The following XIRP2 variants were observed in gnomAD, a reference collection of about 807,000 sequenced individuals.
The protein encoded by XIRP2 is xin actin binding repeat containing 2, also known as xin actin-binding repeat-containing protein 2.
A neutral mutation model predicts 277.0 loss-of-function variants in XIRP2; 236 were observed. The ratio of observed to expected loss-of-function variants is 0.85; its 90% CI spans 0.77 to 0.95. XIRP2 has a LOEUF of 0.95. Ranked by LOEUF, XIRP2 falls within the 40% of genes least tolerant of loss-of-function variation. XIRP2 has a pLI of 0.00. For missense variants in XIRP2, 4,640 were observed against 4,157.5 expected, an observed-to-expected ratio of 1.12 and a Z score of -3.19; for synonymous variants, 1,490 against 1,416.5, an observed-to-expected ratio of 1.05 and a Z score of -1.17.
intron 2 of XIRP2, among the ~76,000 whole-genome samples, chr2:167,009,634 C>T (rs1161367685): frequency 3.9e-5 from 6 of 152,012 alleles, no homozygotes; most frequent in Non-Finnish European, 5.9e-5. Context: ...CCTGAGGAAT[C>T]GCCACACTGA....
chr2:167,072,030 A>G (rs1689449850), intron 2 of XIRP2, among the ~76,000 whole-genome samples: 1 of 152,204 alleles, frequency 6.6e-6, no homozygotes, highest in African/African-American at 2.4e-5. Context: ...TATGCCAAAC[A>G]TAAAGCACAG....
At chr2:166,897,979 A>G (rs115533347) in intron 1 of XIRP2, among the ~76,000 whole-genome samples, 3 of 151,774 alleles carry the variant, frequency 2.0e-5, no homozygotes, top group East Asian at 3.9e-4. Flanking sequence ...AGAATCAACA[A>G]CTGCTCCCTA....
At chr2:167,233,769 C>T (rs941783206) in intron 5 of XIRP2, among the ~76,000 whole-genome samples, 1 of 151,320 alleles carries the variant, frequency 6.6e-6, no homozygotes, top group African/African-American at 2.4e-5. Context: ...TAAGTTTCAG[C>T]CTTTTGTTGG....
chr2:166,916,816 A>G (rs899698327), intron 2 of XIRP2, among the ~76,000 whole-genome samples: 1 of 152,208 alleles, frequency 6.6e-6, no homozygotes, highest in Non-Finnish European at 1.5e-5. Flanking sequence ...TTCTCATTGT[A>G]TAAACTCAAA....
intron 2 of XIRP2, among the ~76,000 whole-genome samples, chr2:166,904,791 T>G (rs966473791): frequency 3.3e-5 from 5 of 152,260 alleles, no homozygotes; most frequent in Admixed American, 2.0e-4. Context: ...ATTGTTTTTT[T>G]GTTTTATTTG....
chr2:167,087,171 C>CT (rs2105270179), intron 2 of XIRP2, among the ~76,000 whole-genome samples: 1 of 152,260 alleles, frequency 6.6e-6, no homozygotes, highest in East Asian at 1.9e-4. Context: ...AGACAGGACC[C>CT]TCAGCTGCAG....
At chr2:167,219,750 A>AATTT (rs1694366787) in intron 5 of XIRP2, among the ~76,000 whole-genome samples, 1 of 152,214 alleles carries the variant, frequency 6.6e-6, no homozygotes, top group African/African-American at 2.4e-5. Flanking sequence ...CCAAATTCAT[A>AATTT]ACCCCCTCAG....
chr2:167,169,675 T>C (rs1692627803), intron 3 of XIRP2, among the ~76,000 whole-genome samples: 1 of 152,164 alleles, frequency 6.6e-6, no homozygotes, highest in Non-Finnish European at 1.5e-5. Flanking sequence ...TTAAATGCTT[T>C]TAAGTGGTAA....
chr2:167,099,168 C>A (rs1034900136), intron 2 of XIRP2, among the ~76,000 whole-genome samples: 1 of 152,202 alleles, frequency 6.6e-6, no homozygotes, highest in Non-Finnish European at 1.5e-5. Flanking sequence ...AAGCTCCTGA[C>A]TGGGGCTGCT....
intron 2 of XIRP2, among the ~76,000 whole-genome samples, chr2:166,919,989 C>G (rs932516767): frequency 6.6e-6 from 1 of 152,054 alleles, no homozygotes; most frequent in Non-Finnish European, 1.5e-5. Context: ...TCAGGTCTGC[C>G]CTTTAGTTTA....
intron 2 of XIRP2, among the ~76,000 whole-genome samples, chr2:166,905,903 C>G (rs753302174): frequency 2.6e-5 from 4 of 151,918 alleles, no homozygotes; most frequent in Non-Finnish European, 5.9e-5. Context: ...CACCCCATAG[C>G]ATATTGATTA....
chr2:166,893,889 G>A (rs909151774), intron 1 of XIRP2, among the ~76,000 whole-genome samples: 2 of 152,090 alleles, frequency 1.3e-5, no homozygotes, highest in Admixed American at 6.6e-5. Context: ...CAAGAAACAA[G>A]AGTTATGACT....
chr2:166,954,378 A>G (rs1383759556), intron 2 of XIRP2, among the ~76,000 whole-genome samples: 4 of 151,998 alleles, frequency 2.6e-5, no homozygotes, highest in Non-Finnish European at 5.9e-5. Flanking sequence ...ATACCATCTC[A>G]CGCCAGTCAG....
At chr2:166,897,175 G>A (rs116690545) in intron 1 of XIRP2, among the ~76,000 whole-genome samples, 53 of 152,306 alleles carry the variant, frequency 3.5e-4, no homozygotes, top group African/African-American at 1.1e-3. Context: ...TAATAAGGGT[G>A]TGCATGTTGT....
chr2:167,029,840 A>G (rs1326101619), intron 2 of XIRP2, among the ~76,000 whole-genome samples: 4 of 151,882 alleles, frequency 2.6e-5, no homozygotes, highest in African/African-American at 9.7e-5. Context: ...GGTCCTGGGC[A>G]TTTTTTGGTT....
Position 167,246,446 on chromosome 2 carries a change from G to A in XIRP2, c.5054G>A (p.Gly1685Glu). The change falls in exon 9 of 11, where the codon GGA becomes GAA. Residue 1685 changes from glycine to glutamate, a missense_variant. By Grantham distance (98) the Gly-to-Glu change is moderately conservative. Transcript: ENST00000409195. ...KGILIQEDEK[G>E]DINMTIYCLL... ...ATCTTAATTCAGGAAGATGAAAAAGGAGATATTAACATGACTATCTATTGT... is the reference window on the plus strand; with the variant it reads ...ATCTTAATTCAGGAAGATGAAAAAGAAGATATTAACATGACTATCTATTGT... 1 of 1,613,714 alleles carries A rather than the reference G, an allele frequency of 6.2e-7. No individual in the cohort carries two copies. Among genetic ancestry groups the A allele is most frequent in the African/African-American group, 1.3e-5 (1 of 75,004 alleles).
intron 2 of XIRP2, among the ~76,000 whole-genome samples, chr2:167,048,927 C>T (rs778986124): frequency 1.6e-4 from 25 of 151,808 alleles, no homozygotes; most frequent in Non-Finnish European, 2.8e-4. Context: ...TTTGGTGTTT[C>T]TGGATTTCAT....
At chr2:166,983,035 G>A (rs1686914937) in intron 2 of XIRP2, among the ~76,000 whole-genome samples, 2 of 152,140 alleles carry the variant, frequency 1.3e-5, no homozygotes, top group Admixed American at 1.3e-4. Context: ...GGTGCCTTCA[G>A]TTAGGTGGCT....
intron 2 of XIRP2, among the ~76,000 whole-genome samples, chr2:167,072,894 C>T (rs1689470237): frequency 6.6e-6 from 1 of 152,136 alleles, no homozygotes; most frequent in South Asian, 2.1e-4. Context: ...GTGTATAAAA[C>T]ATTTCACAGT....
Sources: allele counts gnomAD v4.1 joint callset (sites outside exome capture counted in the v4.1 genomes callset), GRCh38; gene constraint gnomAD v4.1.1; transcripts MANE v1.5; gene names NCBI Gene and HGNC (gene_info 2026-07-23, HGNC 2026-07-21).